KCNH8: variants seen among roughly 807,000 people sequenced by gnomAD.
KCNH8 encodes potassium voltage-gated channel subfamily H member 8.
Under a neutral mutation model 103.6 loss-of-function variants are expected in KCNH8, and 70 were observed. The ratio of observed to expected loss-of-function variants is 0.68; its 90% CI spans 0.56 to 0.82. The LOEUF (loss-of-function observed/expected upper bound fraction) is 0.82, where lower values mean the gene tolerates loss of function less well. KCNH8 is among the 40% of genes least tolerant of loss of function. The pLI, the probability that KCNH8 is intolerant of heterozygous loss-of-function variation, is 0.00. For synonymous variants in KCNH8, 498 were observed against 489.4 expected, an observed-to-expected ratio of 1.02 and a Z score of -0.23; for missense variants, 1,217 against 1,329.9, an observed-to-expected ratio of 0.92 and a Z score of 1.32.
chr3:19,159,870 C>T (rs1256887474), intron 1 of KCNH8, among the ~76,000 whole-genome samples: 1 of 151,852 alleles, frequency 6.6e-6, no homozygotes, highest in Non-Finnish European at 1.5e-5. Flanking sequence ...TACCAGCCCA[C>T]AAGTTAGTGG....
chr3:19,165,057 G>A (rs916939585), intron 1 of KCNH8, among the ~76,000 whole-genome samples: 3 of 152,118 alleles, frequency 2.0e-5, no homozygotes, highest in African/African-American at 4.8e-5. Context: ...TGGGGGTGAT[G>A]GATATGGTCA....
At chr3:19,366,122 A>G (rs1212602046) in intron 5 of KCNH8, among the ~76,000 whole-genome samples, 1 of 152,126 alleles carries the variant, frequency 6.6e-6, no homozygotes, top group African/African-American at 2.4e-5. Flanking sequence ...TAATATTTCC[A>G]TAGTAATAGC....
chr3:19,159,230 A>C (rs552739910), intron 1 of KCNH8, among the ~76,000 whole-genome samples: 4 of 151,928 alleles, frequency 2.6e-5, no homozygotes, highest in Middle Eastern at 3.4e-3. Flanking sequence ...CTTCAATAAA[A>C]GTTACTTGCT....
At chr3:19,253,327 G>A (rs945590045) in intron 1 of KCNH8, among the ~76,000 whole-genome samples, 1 of 151,872 alleles carries the variant, frequency 6.6e-6, no homozygotes, top group African/African-American at 2.4e-5. Flanking sequence ...ACATTACATG[G>A]CAGATTCAGT....
intron 8 of KCNH8, among the ~76,000 whole-genome samples, chr3:19,445,594 T>A (rs1444722792): frequency 6.6e-6 from 1 of 151,952 alleles, no homozygotes; most frequent in Non-Finnish European, 1.5e-5. Flanking sequence ...GCCTTTCATA[T>A]CAGATTGTTT....
At chr3:19,162,465 C>A (rs905292240) in intron 1 of KCNH8, among the ~76,000 whole-genome samples, 1 of 151,728 alleles carries the variant, frequency 6.6e-6, no homozygotes, top group East Asian at 1.9e-4. Context: ...CAAGATCACG[C>A]CACTGCACTC....
At position 19,534,654 on chromosome 3, in the gene KCNH8, C is replaced by T. The variant is rs547784801; in HGVS notation, c.*555C>T. On this transcript the variant is annotated 3_prime_UTR_variant, in exon 16 of 16. Transcript: ENST00000328405. ...ACGTTATTTGCCATGTAAATGAAAA[C>T]GTCTTTATTTATCAAAAAAACACAG... The T allele has an allele frequency of 1.4e-4, 22 of 152,676 alleles. No homozygotes were observed. The highest frequency in any genetic ancestry group is 5.9e-4 in the Admixed American group (9 of 15,288). 9.5% of individuals were successfully genotyped at this position (152,676 alleles called of 1,614,324 possible).
At chr3:19,492,924 T>C (rs2125225654) in intron 11 of KCNH8, among the ~76,000 whole-genome samples, 1 of 151,168 alleles carries the variant, frequency 6.6e-6, no homozygotes, top group South Asian at 2.1e-4. Context: ...TAATTTTCCA[T>C]GTAGAGATCC....
chr3:19,435,402 G>A (rs2067184292), intron 7 of KCNH8, among the ~76,000 whole-genome samples: 1 of 152,072 alleles, frequency 6.6e-6, no homozygotes, highest in Non-Finnish European at 1.5e-5. Flanking sequence ...CCAAAATGTG[G>A]GCTGTAATTG....
At position 19,451,336 on chromosome 3, in the gene KCNH8, A is replaced by G; in HGVS notation, c.1757A>G (p.Gln586Arg). The G allele has an allele frequency of 6.2e-7, 1 of 1,613,872 alleles. No individual in the cohort carries two copies. Among genetic ancestry groups the G allele is most frequent in the South Asian group, 1.1e-5 (1 of 91,086 alleles). ...CTGCTGCGTCAAGGGGATGCTTTGC[A>G]GGCCATCTACTTTGTATGCTCGGGC... ...EYLLRQGDAL[Q>R]AIYFVCSGSM... Residue 586 changes from glutamine (Q) to arginine (R), a missense_variant, in exon 10 of 16, where the codon CAG becomes CGG. Physicochemically the swap from Gln to Arg is conservative, Grantham distance 43. Around this residue, in one of 3 missense-constraint regions of KCNH8, gnomAD observed 415 missense variants for 577.4 expected, o/e 0.72. Transcript: ENST00000328405.
intron 5 of KCNH8, among the ~76,000 whole-genome samples, chr3:19,359,343 T>C (rs2065919183): frequency 3.3e-5 from 5 of 150,568 alleles, no homozygotes; most frequent in Admixed American, 3.3e-4. Flanking sequence ...TATGTACTTA[T>C]ATATATATGT....
chr3:19,212,987 A>G (rs1255416045), intron 1 of KCNH8, among the ~76,000 whole-genome samples: 2 of 152,174 alleles, frequency 1.3e-5, no homozygotes, highest in African/African-American at 4.8e-5. Context: ...GATTTGATAA[A>G]GCCACAGAGC....
intron 13 of KCNH8, among the ~76,000 whole-genome samples, chr3:19,513,819 A>T (rs922085414): frequency 2.6e-5 from 4 of 152,116 alleles, no homozygotes; most frequent in African/African-American, 7.2e-5. Flanking sequence ...TTCAATAAGT[A>T]ACACAGCATG....
intron 2 of KCNH8, among the ~76,000 whole-genome samples, chr3:19,255,680 G>T (rs768682994): frequency 1.3e-5 from 2 of 151,830 alleles, no homozygotes; most frequent in South Asian, 4.2e-4. Flanking sequence ...AAGAAGAAAA[G>T]GAATTGTATA....
chr3:19,479,393 T>C (rs2068042286), intron 11 of KCNH8, among the ~76,000 whole-genome samples: 1 of 152,188 alleles, frequency 6.6e-6, no homozygotes, highest in Non-Finnish European at 1.5e-5. Context: ...AGTTCTTTCA[T>C]TAAAAATGTC....
chr3:19,253,900 T>C lies in KCNH8; in HGVS notation c.310+13T>C, dbSNP rs746829538. On this transcript the variant is annotated intron_variant, in intron 2 of 15. Coordinates refer to ENST00000328405, the MANE Select transcript of KCNH8 (RefSeq NM_144633.3). ...TACAAGAAAAACGGTGAGTTGGCTT[T>C]CTTTCGTGCTCACTGGAGAGTAGTG... The C allele has an allele frequency of 6.3e-6, 10 of 1,579,302 alleles. No individual in the cohort carries two copies. In the Admixed American group the frequency reaches 1.3e-4, roughly 21 times the overall value.
chr3:19,330,953 A>C (rs2065496883), intron 3 of KCNH8, among the ~76,000 whole-genome samples: 1 of 152,168 alleles, frequency 6.6e-6, no homozygotes, highest in Non-Finnish European at 1.5e-5. Context: ...TCTACTGAAG[A>C]AGTAAGATTC....
intron 11 of KCNH8, among the ~76,000 whole-genome samples, chr3:19,491,388 C>G (rs1559353964): frequency 6.6e-6 from 1 of 152,130 alleles, no homozygotes; most frequent in Non-Finnish European, 1.5e-5. Context: ...TACATGTGTA[C>G]TCATTGTTTA....
At chr3:19,164,634 TA>T (rs1373055209) in intron 1 of KCNH8, among the ~76,000 whole-genome samples, 1 of 152,196 alleles carries the variant, frequency 6.6e-6, no homozygotes, top group Non-Finnish European at 1.5e-5. Flanking sequence ...TGTAAGGCAT[TA>T]AATTTATGAT....
Sources: allele counts gnomAD v4.1 joint callset (sites outside exome capture counted in the v4.1 genomes callset), GRCh38; gene constraint gnomAD v4.1.1; regional missense constraint gnomAD v4.1.1; transcripts MANE v1.5; gene names NCBI Gene and HGNC (gene_info 2026-07-23, HGNC 2026-07-21).